The following OR52N4 variants were observed in gnomAD, a reference collection of about 807,000 sequenced individuals.
OR52N4 encodes the protein olfactory receptor 52N4.
A neutral mutation model predicts 15.0 loss-of-function variants in OR52N4; 15 were observed. That is an observed-to-expected ratio of 1.00 (90% CI 0.67 to 1.54). OR52N4 has a LOEUF of 1.54. Among genes scored for constraint, OR52N4 ranks in the 40% most tolerant of loss-of-function variants. The pLI is 0.00. For missense variants in OR52N4, 421 were observed against 394.0 expected (o/e 1.07, Z -0.58); for synonymous variants, 143 against 143.7 (o/e 1.00, Z 0.03).
chr11:5,730,528 G>T, the OR52N4 span, among the ~76,000 whole-genome samples: 1 of 151,956 alleles, frequency 6.6e-6, no homozygotes, highest in Non-Finnish European at 1.5e-5. Flanking sequence ...CTTAAATTGT[G>T]TTATATTATG....
In OR52N4 at chr11:5,755,326, G is replaced by A. The variant is rs369848863; in HGVS notation, c.586G>A (p.Val196Ile). 5.6e-6 allele frequency: 9 copies of A among 1,614,044 alleles called. No homozygotes were observed. The highest frequency in any genetic ancestry group is 1.1e-5 in the South Asian group (1 of 91,078). The change falls in exon 2 of 2, where the codon GTC (valine) becomes ATC (isoleucine). Residue 196 changes from valine (V) to isoleucine (I), a missense_variant. Coordinates refer to ENST00000641350, the MANE Select transcript of OR52N4 (RefSeq NM_001005175.5). ...CAAATTGTCCTGTGGTAATGTCAAGGTCAATGCCATCTATGGTCTGATGGT... is the reference window on the plus strand; with the variant it reads ...CAAATTGTCCTGTGGTAATGTCAAGATCAATGCCATCTATGGTCTGATGGT... ...VAKLSCGNVK[V>I]NAIYGLMVAL... is the part of the protein sequence containing the mutation.
the OR52N4 span, among the ~76,000 whole-genome samples, chr11:5,729,111 GAGA>G: frequency 1.6e-5 from 1 of 63,254 alleles, no homozygotes; most frequent in African/African-American, 6.6e-5. Context: ...TCCTTAAATT[GAGA>G]TTTTTTTTTT....
At chr11:5,732,466 C>G in the OR52N4 span, among the ~76,000 whole-genome samples, 1 of 152,126 alleles carries the variant, frequency 6.6e-6, no homozygotes, top group South Asian at 2.1e-4. Context: ...GAGACTGAAT[C>G]CATCAATATT....
the OR52N4 span, among the ~76,000 whole-genome samples, chr11:5,747,551 A>G: frequency 6.6e-6 from 1 of 151,812 alleles, no homozygotes; most frequent in Non-Finnish European, 1.5e-5. Flanking sequence ...ATTTCAAAAC[A>G]TCGTGTTGTA....
chr11:5,731,305 C>A, the OR52N4 span, among the ~76,000 whole-genome samples: 1 of 152,170 alleles, frequency 6.6e-6, no homozygotes, highest in South Asian at 2.1e-4. Flanking sequence ...ACTTCTCATT[C>A]ATTGTAAATG....
At chr11:5,732,841 G>A in the OR52N4 span, among the ~76,000 whole-genome samples, 4 of 152,104 alleles carry the variant, frequency 2.6e-5, no homozygotes, top group African/African-American at 4.8e-5. Context: ...TTCAAAGGTA[G>A]GCACCTCATA....
chr11:5,735,974 TC>T, the OR52N4 span: 1 of 155,030 alleles, frequency 6.5e-6, no homozygotes, highest in African/African-American at 2.4e-5. Context: ...TTTACCTAAA[TC>T]CTGTATTTAT....
chr11:5,754,356 G>A (rs1044995671), intron 1 of OR52N4, 51 bp downstream of exon 1: 7 of 183,722 alleles, frequency 3.8e-5, no homozygotes, highest in African/African-American at 1.4e-4. Context: ...GATGAGTATA[G>A]TTATAGTTAA....
chr11:5,755,718 C>T lies in OR52N4; in HGVS notation c.*12C>T. ...CCTACAGCATGTGAATGAACACTTG[C>T]CAGGAGTGAGAAGAGAAGGAAAGAA... On this transcript the variant is annotated 3_prime_UTR_variant, in exon 2 of 2. Transcript: ENST00000641350. 6.2e-7 allele frequency: 1 copy of T among 1,605,508 alleles called. No individual in the cohort carries two copies. The highest frequency in any genetic ancestry group is 8.5e-7 in the Non-Finnish European group (1 of 1,175,716).
At chr11:5,738,263 T>C in the OR52N4 span, 1 of 152,278 alleles carries the variant, frequency 6.6e-6, no homozygotes, top group African/African-American at 2.4e-5. Flanking sequence ...GGGCTATTTA[T>C]TATTCTACTC....
At chr11:5,736,823 C>A in the OR52N4 span, 1 of 1,613,958 alleles carries the variant, frequency 6.2e-7, no homozygotes, top group East Asian at 2.2e-5. Flanking sequence ...GGTTATTAGC[C>A]TCCCTGAGTG....
chr11:5,737,655 T>C, the OR52N4 span: 10 of 583,012 alleles, frequency 1.7e-5, no homozygotes, highest in Admixed American at 3.4e-4. Context: ...CACAGTAGCC[T>C]AAAATATTGA....
the OR52N4 span, among the ~76,000 whole-genome samples, chr11:5,741,512 T>C: frequency 2.0e-5 from 3 of 152,170 alleles, no homozygotes; most frequent in Non-Finnish European, 2.9e-5. Context: ...CTGGGGATGC[T>C]GAAATCGACA....
At position 5,755,032 on chromosome 11, in the gene OR52N4, G is replaced by T. The variant is rs761871718; in HGVS notation, c.292G>T (p.Glu98Ter). The stretch of plus-strand genomic sequence containing the variant: ...TCATCTCAAGGACATTGGATTTGAT[G>T]AATGCCTTGTCCAGATGTTCTTCAC... Reference protein sequence around the residue: ...WFHLKDIGFDECLVQMFFTHT... With the variant: ...WFHLKDIGFD Residue 98 changes from glutamate to a stop codon, truncating the protein, a stop_gained, in exon 2 of 2, where the codon GAA becomes TAA. Transcript: ENST00000641350. LOFTEE classifies it high-confidence loss of function. The T allele has an allele frequency of 1.2e-6, 2 of 1,613,984 alleles. No homozygotes were observed. Among genetic ancestry groups the T allele is most frequent in the Non-Finnish European group, 1.7e-6 (2 of 1,179,952 alleles).
the OR52N4 span, among the ~76,000 whole-genome samples, chr11:5,730,153 C>G: frequency 0.084 from 12,684 of 151,074 alleles, 546 homozygotes; most frequent in African/African-American, 0.11. Context: ...GTTGATGTTT[C>G]CAGAGAAATA....
the OR52N4 span, among the ~76,000 whole-genome samples, chr11:5,748,404 A>C: frequency 6.6e-6 from 1 of 151,718 alleles, no homozygotes; most frequent in African/African-American, 2.4e-5. Flanking sequence ...AGCAATAATA[A>C]TTATTTTTAA....
the OR52N4 span, among the ~76,000 whole-genome samples, chr11:5,744,582 A>T: frequency 1.3e-5 from 2 of 152,232 alleles, no homozygotes; most frequent in Non-Finnish European, 2.9e-5. Context: ...ATGCATGCCC[A>T]TATGCCCCTG....
At chr11:5,737,152 A>G in the OR52N4 span, 4 of 1,614,012 alleles carry the variant, frequency 2.5e-6, no homozygotes, top group Non-Finnish European at 3.4e-6. Context: ...TGGTTCTGGC[A>G]TGGCTTGGAA....
chr11:5,754,761 A>G lies in OR52N4; in HGVS notation c.21A>G (p.Thr7=). MLTLNK[T]DLIPASFILN... is the part of the protein sequence containing the mutation. ...TTATCATGCTAACACTGAATAAAACAGACCTAATACCAGCTTCATTTATTC... is the reference window on the plus strand; with the variant it reads ...TTATCATGCTAACACTGAATAAAACGGACCTAATACCAGCTTCATTTATTC... Residue 7 remains threonine, a synonymous_variant, in exon 2 of 2, where the codon ACA becomes ACG. Coordinates refer to ENST00000641350, the MANE Select transcript of OR52N4 (RefSeq NM_001005175.5). The G allele has an allele frequency of 1.2e-6, 2 of 1,613,298 alleles. No homozygotes were observed. Among genetic ancestry groups the G allele is most frequent in the Non-Finnish European group, 1.7e-6 (2 of 1,179,524 alleles).
Sources: gnomAD v4.1 joint callset for allele counts (sites outside exome capture counted in the v4.1 genomes callset) on GRCh38, gnomAD v4.1.1 for gene constraint, MANE v1.5 for transcripts, NCBI Gene and HGNC (gene_info 2026-07-23, HGNC 2026-07-21) for gene names.